KPNA7: variants seen among roughly 807,000 people sequenced by gnomAD.
The protein encoded by KPNA7 is karyopherin subunit alpha 7.
Under a neutral mutation model 53.7 loss-of-function variants are expected in KPNA7, and 54 were observed. The observed-to-expected ratio is 1.01, with a 90% CI of 0.81 to 1.26. The LOEUF is 1.26. Ranked by LOEUF, KPNA7 falls within the 50% of genes most tolerant of loss-of-function variation. KPNA7 has a pLI of 0.00. For synonymous variants in KPNA7, 276 were observed against 259.3 expected, an observed-to-expected ratio of 1.06 and a Z score of -0.62; for missense variants, 640 against 644.5, an observed-to-expected ratio of 0.99 and a Z score of 0.07.
At chr7:99,188,194 A>AG (rs1455924951) in intron 7 of KPNA7, 106 bp downstream of exon 7, 124 of 1,055,874 alleles carry the variant, frequency 1.2e-4, no homozygotes, top group Middle Eastern at 3.3e-4. Context: ...AAAAAAAAAA[A>AG]AAAAGCAAAG....
At chr7:99,218,041 C>T (rs1250705979) in intron 1 of KPNA7, among the ~76,000 whole-genome samples, 1 of 152,080 alleles carries the variant, frequency 6.6e-6, no homozygotes, top group African/African-American at 2.4e-5. Context: ...AGAGGGGCTG[C>T]AGGCCATGCC....
chr7:99,182,087 A>G, intron 8 of KPNA7, 22 bp from the exon 9 acceptor site: 2 of 1,506,098 alleles, frequency 1.3e-6, no homozygotes, highest in Non-Finnish European at 1.8e-6. Context: ...GAATGTTTCC[A>G]TTCTCTACAG....
chr7:99,211,121 T>C (rs1791058904), upstream of KPNA7, among the ~76,000 whole-genome samples: 1 of 152,122 alleles, frequency 6.6e-6, no homozygotes, highest in East Asian at 1.9e-4. Context: ...GAGATTTGCA[T>C]CAGAGAATTT....
chr7:99,208,250 ATTTAT>A (rs1250683905), upstream of KPNA7, among the ~76,000 whole-genome samples: 12 of 148,352 alleles, frequency 8.1e-5, no homozygotes, highest in African/African-American at 2.2e-4. Flanking sequence ...CTCACTTTTT[ATTTAT>A]TTTATTTATT....
At chr7:99,199,595 A>C (rs944568426) in intron 3 of KPNA7, among the ~76,000 whole-genome samples, 1 of 152,206 alleles carries the variant, frequency 6.6e-6, no homozygotes. Context: ...ATTAACTCCA[A>C]ACGGCTCAAA....
intron 6 of KPNA7, among the ~76,000 whole-genome samples, chr7:99,190,302 A>C (rs1236465976): frequency 1.4e-5 from 2 of 146,790 alleles, no homozygotes; most frequent in Non-Finnish European, 3.0e-5. Context: ...GCACCACTGC[A>C]CTCCAGCCTG....
chr7:99,177,812 G>T, intron 10 of KPNA7, 108 bp downstream of exon 10: 3 of 1,146,542 alleles, frequency 2.6e-6, no homozygotes, highest in African/African-American at 1.6e-5. Flanking sequence ...AAGACCACCT[G>T]CCCAGTCACC....
chr7:99,153,805 C>T, the KPNA7 span, among the ~76,000 whole-genome samples: 2 of 151,036 alleles, frequency 1.3e-5, no homozygotes, highest in Non-Finnish European at 1.5e-5. Flanking sequence ...CTCATCTCTA[C>T]AAAAAAAATA....
chr7:99,200,718 G>A (rs1790481916), intron 3 of KPNA7, among the ~76,000 whole-genome samples: 1 of 152,200 alleles, frequency 6.6e-6, no homozygotes, highest in South Asian at 2.1e-4. Context: ...GCTCACACCT[G>A]TAATCCCAGC....
rs568610018 is a variant in KPNA7 at position 99,174,012 on chromosome 7, G to C, written c.1465-218C>G. Among the ~76,000 whole-genome samples, 3 of 152,208 alleles carry C rather than the reference G, an allele frequency of 2.0e-5. 1 individual carries two copies. The highest frequency in any genetic ancestry group is 4.8e-5 in the African/African-American group (2 of 41,538). On this transcript the variant is annotated intron_variant, in intron 10 of 10. Transcript: ENST00000327442. ...GCACAACTGAAGCTTTGTACCTATTGCATCAGGGGTCCCCAACCCCGCATC... is the reference window on the plus strand; with the variant it reads ...GCACAACTGAAGCTTTGTACCTATTCCATCAGGGGTCCCCAACCCCGCATC...
the KPNA7 span, among the ~76,000 whole-genome samples, chr7:99,160,491 A>G: frequency 6.7e-6 from 1 of 149,106 alleles, no homozygotes; most frequent in African/African-American, 2.5e-5. Flanking sequence ...GGGTCTCGCT[A>G]TGTTGCCCAG....
chr7:99,207,145 C>G (rs954652337), intron 2 of KPNA7, among the ~76,000 whole-genome samples: 9 of 152,074 alleles, frequency 5.9e-5, no homozygotes, highest in African/African-American at 2.2e-4. Context: ...AGCAATTCTC[C>G]TGCCTCAGCC....
At chr7:99,178,771 C>CAAAAAAAAAAAA (rs756807848) in intron 9 of KPNA7, among the ~76,000 whole-genome samples, 2 of 27,678 alleles carry the variant, frequency 7.2e-5, no homozygotes, top group African/African-American at 2.6e-4. Context: ...ATCTTTGTCT[C>CAAAAAAAAAAAA]AAAAAAAAAA....
rs886571428 is a variant in KPNA7 at position 99,193,040 on chromosome 7, G to A, written c.615C>T (p.Ala205=). 1 of 1,509,248 alleles carries A rather than the reference G, an allele frequency of 6.6e-7. No homozygotes were observed. Among genetic ancestry groups the A allele is most frequent in the Non-Finnish European group, 8.8e-7 (1 of 1,131,418 alleles). 93.5% of individuals were successfully genotyped at this position (1,509,248 alleles called of 1,614,324 possible). Residue 205 remains alanine, a synonymous_variant, in exon 6 of 11, where the codon GCC becomes GCT. Coordinates refer to ENST00000327442, the MANE Select transcript of KPNA7 (RefSeq NM_001145715.3). The part of the protein sequence containing the change: ...ITSNAIPHLL[A]LISPTLPITF... ...TTACCGGCAGGGTGGGTGAAATCAA[G>A]GCTAGGAGATGTGGGATGGCATTGC... is the stretch of plus-strand genomic sequence containing the variant.
the KPNA7 span, among the ~76,000 whole-genome samples, chr7:99,167,378 C>T: frequency 1.3e-5 from 2 of 152,288 alleles, no homozygotes; most frequent in East Asian, 3.9e-4. Context: ...TGAGCTCCGC[C>T]TCCTGTCAGA....
chr7:99,181,152 TCTGTGTCTCTCTCTCC>T (rs1455631040), intron 9 of KPNA7, among the ~76,000 whole-genome samples: 1 of 54,192 alleles, frequency 1.8e-5, no homozygotes, highest in African/African-American at 5.1e-5. Context: ...TCTCTCTCCG[TCTGTGTCTCTCTCTCC>T]GTCTGTGTCT....
intron 3 of KPNA7, among the ~76,000 whole-genome samples, chr7:99,201,256 T>C (rs1033783277): frequency 3.3e-5 from 5 of 152,050 alleles, no homozygotes; most frequent in African/African-American, 1.2e-4. Flanking sequence ...GATGAATAGG[T>C]TCTGGAATTA....
intron 3 of KPNA7, among the ~76,000 whole-genome samples, chr7:99,202,508 G>C (rs374440861): frequency 6.6e-6 from 1 of 151,982 alleles, no homozygotes; most frequent in Non-Finnish European, 1.5e-5. Flanking sequence ...TCATTTCCTC[G>C]GTTTTCAGGC....
chr7:99,185,184 T>TCTAAG, intron 7 of KPNA7, 22 bp from the exon 8 acceptor site: 1 of 1,501,926 alleles, frequency 6.7e-7, no homozygotes, highest in East Asian at 2.5e-5. Context: ...AGGCTAGAAG[T>TCTAAG]CTAAGTATTT....
Sources: gnomAD v4.1 joint callset for allele counts (sites outside exome capture counted in the v4.1 genomes callset) on GRCh38, gnomAD v4.1.1 for gene constraint, MANE v1.5 for transcripts, NCBI Gene and HGNC (gene_info 2026-07-23, HGNC 2026-07-21) for gene names.